VTA1: variants seen among roughly 807,000 people sequenced by gnomAD.
VTA1 encodes vacuolar protein sorting-associated protein VTA1 homolog.
In VTA1, 24 loss-of-function variants were observed where a neutral mutation model predicts 36.9. That is an observed-to-expected ratio of 0.65 (90% CI 0.47 to 0.91). The LOEUF is 0.91. VTA1 is among the 40% of genes least tolerant of loss of function. The probability of loss-of-function intolerance (pLI) is 0.00; values close to 1 mark genes in which losing one functional copy is unlikely to be tolerated. For missense variants in VTA1, 393 were observed against 377.2 expected, an observed-to-expected ratio of 1.04 and a Z score of -0.35; for synonymous variants, 142 against 130.2, an observed-to-expected ratio of 1.09 and a Z score of -0.62.
At chr6:142,161,801 G>A (rs182999293) in intron 1 of VTA1, among the ~76,000 whole-genome samples, 10 of 152,172 alleles carry the variant, frequency 6.6e-5, no homozygotes, top group Admixed American at 3.3e-4. Flanking sequence ...GTGGCAAAAA[G>A]ATGTTTTAGT....
chr6:142,162,889 G>A (rs1001703082), intron 1 of VTA1, among the ~76,000 whole-genome samples: 1 of 152,152 alleles, frequency 6.6e-6, no homozygotes. Context: ...TGGAAGAAGA[G>A]GAGATTATGT....
chr6:142,179,315 A>C (rs180974546), intron 4 of VTA1, among the ~76,000 whole-genome samples: 1 of 148,224 alleles, frequency 6.7e-6, no homozygotes, highest in Non-Finnish European at 1.5e-5. Context: ...AGAGTTGGTC[A>C]TTTTTTTTTT....
In VTA1 at chr6:142,147,296, G is replaced by A. The variant is rs754408069; in HGVS notation, c.9G>A (p.Ala3=). 1 of 1,614,196 alleles carries A rather than the reference G, an allele frequency of 6.2e-7. No individual in the cohort carries two copies. Among genetic ancestry groups the A allele is most frequent in the African/African-American group, 1.3e-5 (1 of 75,066 alleles). Residue 3 remains alanine, a synonymous_variant, in exon 1 of 8, where the codon GCG becomes GCA. Coordinates refer to ENST00000367630, the MANE Select transcript of VTA1 (RefSeq NM_016485.5). Reference sequence around the variant, plus strand: ...GTGAGTTCGGAGTAGAGATGGCCGCGCTTGCACCGCTGCCCCCGCTCCCCG... The same window carrying A: ...GTGAGTTCGGAGTAGAGATGGCCGCACTTGCACCGCTGCCCCCGCTCCCCG... MA[A]LAPLPPLPAQ...
At chr6:142,215,355 G>A (rs960777533) in intron 7 of VTA1, among the ~76,000 whole-genome samples, 1 of 151,904 alleles carries the variant, frequency 6.6e-6, no homozygotes, top group Non-Finnish European at 1.5e-5. Flanking sequence ...GCAGGAGAAT[G>A]GCATGAACCC....
chr6:142,198,479 CACTCAGCCA>C lies in VTA1; in HGVS notation c.571_579del (p.Thr191_Pro193del). On this transcript the variant is annotated inframe_deletion, in exon 6 of 8. Coordinates refer to ENST00000367630, the MANE Select transcript of VTA1 (RefSeq NM_016485.5). ...AAGATGCTGGAGCAGCCTCTCTGCC[CACTCAGCCA>C]ACTCAGCCATCATCATCTTCAACTT... is the stretch of plus-strand genomic sequence containing the variant. 6.2e-7 allele frequency: 1 copy of C among 1,613,958 alleles called. No individual in the cohort carries two copies. Among genetic ancestry groups the C allele is most frequent in the Non-Finnish European group, 8.5e-7 (1 of 1,179,900 alleles).
At chr6:142,197,939 A>T (rs1194118898) in intron 5 of VTA1, among the ~76,000 whole-genome samples, 1 of 151,374 alleles carries the variant, frequency 6.6e-6, no homozygotes, top group Non-Finnish European at 1.5e-5. Context: ...AAACCAAAAA[A>T]AAAACAAACT....
chr6:142,156,415 CT>C (rs1382764520), intron 1 of VTA1, among the ~76,000 whole-genome samples: 3 of 152,140 alleles, frequency 2.0e-5, no homozygotes, highest in African/African-American at 7.2e-5. Flanking sequence ...GAGATGCTTT[CT>C]GTTAATAGTA....
At chr6:142,189,620 A>G in intron 5 of VTA1, 86 bp downstream of exon 5, 3 of 1,049,640 alleles carry the variant, frequency 2.9e-6, no homozygotes, top group South Asian at 3.2e-5. Flanking sequence ...AGGGAACAAT[A>G]CAGTTTTGTT....
intron 1 of VTA1, among the ~76,000 whole-genome samples, chr6:142,147,660 C>T (rs111496173): frequency 1.3e-5 from 2 of 152,362 alleles, no homozygotes; most frequent in African/African-American, 2.4e-5. Flanking sequence ...GGAATATAAT[C>T]TTCCAAGGTT....
chr6:142,173,792 C>A (rs569899099), intron 4 of VTA1, among the ~76,000 whole-genome samples: 1 of 152,228 alleles, frequency 6.6e-6, no homozygotes, highest in East Asian at 1.9e-4. Flanking sequence ...TAATGAAGAA[C>A]CATCTTCCTT....
chr6:142,154,088 A>T (rs546211575), intron 1 of VTA1, among the ~76,000 whole-genome samples: 1 of 152,038 alleles, frequency 6.6e-6, no homozygotes, highest in African/African-American at 2.4e-5. Flanking sequence ...ACCCATTACC[A>T]TAGTCAAGAT....
At chr6:142,200,116 A>G (rs1400045837) in intron 6 of VTA1, among the ~76,000 whole-genome samples, 1 of 152,140 alleles carries the variant, frequency 6.6e-6, no homozygotes, top group East Asian at 1.9e-4. Flanking sequence ...ACCCCATGCT[A>G]AAGCATAAAC....
intron 1 of VTA1, among the ~76,000 whole-genome samples, chr6:142,161,836 T>G (rs1164087130): frequency 6.6e-6 from 1 of 152,152 alleles, no homozygotes; most frequent in African/African-American, 2.4e-5. Flanking sequence ...TTTTCTTAAG[T>G]GAATTCAAGG....
At chr6:142,210,094 G>A (rs189416803) in intron 7 of VTA1, among the ~76,000 whole-genome samples, 1 of 152,248 alleles carries the variant, frequency 6.6e-6, no homozygotes, top group African/African-American at 2.4e-5. Flanking sequence ...ACAGAATAGA[G>A]AATCCTGATA....
At chr6:142,204,212 T>G in intron 7 of VTA1, 147 bp downstream of exon 7, 1 of 695,196 alleles carries the variant, frequency 1.4e-6, no homozygotes, top group Non-Finnish European at 2.4e-6. Flanking sequence ...CCTTGAATGC[T>G]TATGTTCACT....
At chr6:142,204,311 C>G (rs1288117957) in intron 7 of VTA1, among the ~76,000 whole-genome samples, 1 of 152,014 alleles carries the variant, frequency 6.6e-6, no homozygotes, top group African/African-American at 2.4e-5. Context: ...TTTTCATGCA[C>G]TACCGGATAT....
At chr6:142,165,648 G>T (rs541005799) in intron 1 of VTA1, among the ~76,000 whole-genome samples, 24 of 152,292 alleles carry the variant, frequency 1.6e-4, no homozygotes, top group African/African-American at 5.5e-4. Context: ...GTTACCACTA[G>T]AACTGTTCAC....
chr6:142,213,399 G>C (rs1775940117), intron 7 of VTA1, among the ~76,000 whole-genome samples: 1 of 152,190 alleles, frequency 6.6e-6, no homozygotes, highest in Non-Finnish European at 1.5e-5. Flanking sequence ...ACAGGCTGAT[G>C]TTGAGTGCCT....
At chr6:142,172,699 A>C (rs1253196897) in intron 4 of VTA1, among the ~76,000 whole-genome samples, 1 of 152,156 alleles carries the variant, frequency 6.6e-6, no homozygotes, top group Non-Finnish European at 1.5e-5. Context: ...GCACTATGCT[A>C]AATACTTGGG....
Sources: gnomAD v4.1 joint callset for allele counts (sites outside exome capture counted in the v4.1 genomes callset) on GRCh38, gnomAD v4.1.1 for gene constraint, MANE v1.5 for transcripts, NCBI Gene and HGNC (gene_info 2026-07-23, HGNC 2026-07-21) for gene names.